Variants in MACROD2 observed in about 807,000 individuals in gnomAD.
The protein encoded by MACROD2 is mono-ADP ribosylhydrolase 2.
In MACROD2, 36 loss-of-function variants were observed where a neutral mutation model predicts 70.4. The ratio of observed to expected loss-of-function variants is 0.51; its 90% CI spans 0.39 to 0.68. The LOEUF (loss-of-function observed/expected upper bound fraction) is 0.68, where lower values mean the gene tolerates loss of function less well. MACROD2 is among the 30% of genes least tolerant of loss of function. MACROD2 has a pLI of 0.00. For missense variants in MACROD2, 496 were observed against 538.4 expected (o/e 0.92, Z 0.78); for synonymous variants, 172 against 178.8 (o/e 0.96, Z 0.30).
chr20:14,154,048 C>T (rs1421520531), intron 3 of MACROD2, among the ~76,000 whole-genome samples: 17 of 152,152 alleles, frequency 1.1e-4, no homozygotes, highest in Non-Finnish European at 1.8e-4. Flanking sequence ...AAAGTGCAGG[C>T]GTTTCCCAAG....
intron 8 of MACROD2, among the ~76,000 whole-genome samples, chr20:15,555,947 A>G (rs906699998): frequency 6.6e-6 from 1 of 152,014 alleles, no homozygotes; most frequent in African/African-American, 2.4e-5. Context: ...AATGAAGAAC[A>G]TGTTTATTTG....
At position 16,050,433 on chromosome 20, in the gene MACROD2, T is replaced by A. The variant is rs1312926191; in HGVS notation, c.*557T>A. 6.6e-6 allele frequency: 1 copy of A among 152,338 alleles called. No homozygotes were observed. The highest frequency in any genetic ancestry group is 2.4e-5 in the African/African-American group (1 of 41,434). 9.4% of individuals were successfully genotyped at this position (152,338 alleles called of 1,614,324 possible). ...GAGGTGAAAATATTTTCTTCAGGGT[T>A]CCCAAGGCACAATTTGTTCCAAGTG... On this transcript the variant is annotated 3_prime_UTR_variant, in exon 18 of 18. Transcript: ENST00000684519.
chr20:14,352,056 T>G (rs777386827), intron 3 of MACROD2, among the ~76,000 whole-genome samples: 1 of 152,232 alleles, frequency 6.6e-6, no homozygotes, highest in Admixed American at 6.5e-5. Flanking sequence ...TGAACCATCC[T>G]TACATCCCAG....
At chr20:14,668,753 T>C (rs1202622818) in intron 4 of MACROD2, among the ~76,000 whole-genome samples, 1 of 152,166 alleles carries the variant, frequency 6.6e-6, no homozygotes, top group Non-Finnish European at 1.5e-5. Context: ...TAAAAAGAGC[T>C]TTTCTTGCTC....
intron 2 of MACROD2, among the ~76,000 whole-genome samples, chr20:14,010,795 C>T (rs1268860730): frequency 6.6e-6 from 1 of 152,050 alleles, no homozygotes. Flanking sequence ...CCCTTCACCC[C>T]CTACCCTTTT....
intron 4 of MACROD2, among the ~76,000 whole-genome samples, chr20:14,629,878 A>G (rs1984401058): frequency 6.6e-6 from 1 of 152,146 alleles, no homozygotes; most frequent in Non-Finnish European, 1.5e-5. Flanking sequence ...ATTTATCTCC[A>G]TTTCTCTGTC....
intron 8 of MACROD2, among the ~76,000 whole-genome samples, chr20:15,610,989 A>ATTTTTTTTT (rs1600665066): frequency 7.5e-5 from 6 of 79,858 alleles, no homozygotes; most frequent in Non-Finnish European, 1.2e-4. Context: ...TTAGCCAAAA[A>ATTTTTTTTT]TCTTTTTTTT....
Position 14,108,503 on chromosome 20 carries a change from G to A in MACROD2, c.271+22775G>A, listed in dbSNP as rs557175353. On this transcript the variant is annotated intron_variant, in intron 3 of 17. Transcript: ENST00000684519. ...AAAAAAAAAAAAAGCTAGACCCAAT[G>A]TCTGTTGCCTACAAGAAGCACATTT... is the stretch of plus-strand genomic sequence containing the variant. Among the ~76,000 whole-genome samples, 13 of 149,934 alleles carry A rather than the reference G, an allele frequency of 8.7e-5. No individual in the cohort carries two copies. The East Asian group carries it at 2.5e-3, about 29-fold the overall frequency.
chr20:15,210,762 C>T (rs2076756671), intron 5 of MACROD2, among the ~76,000 whole-genome samples: 1 of 152,036 alleles, frequency 6.6e-6, no homozygotes. Flanking sequence ...GTAGCACCTC[C>T]ATACTCTCTC....
intron 3 of MACROD2, among the ~76,000 whole-genome samples, chr20:14,398,351 T>C (rs1248734950): frequency 6.6e-6 from 1 of 152,092 alleles, no homozygotes; most frequent in Non-Finnish European, 1.5e-5. Flanking sequence ...GCCATACTAA[T>C]TTACATCCCA....
At chr20:14,158,629 A>G (rs1437768625) in intron 3 of MACROD2, among the ~76,000 whole-genome samples, 1 of 152,074 alleles carries the variant, frequency 6.6e-6, no homozygotes, top group Non-Finnish European at 1.5e-5. Flanking sequence ...TTGTGTATGG[A>G]TATCCAGTTT....
chr20:15,400,376 T>C (rs1274822428), intron 6 of MACROD2, among the ~76,000 whole-genome samples: 1 of 152,146 alleles, frequency 6.6e-6, no homozygotes, highest in African/African-American at 2.4e-5. Context: ...ACTGACCCCA[T>C]GACTTAGCTG....
Position 14,979,982 on chromosome 20 carries a change from G to A in MACROD2, c.419-249958G>A, listed in dbSNP as rs116862106. On this transcript the variant is annotated intron_variant, in intron 5 of 17. Transcript: ENST00000684519. ...TTGAGATGACTTATCTACTATGTTT[G>A]TTATCCCCTGCCACTTGGTAATAAT... Among the ~76,000 whole-genome samples, 83 of 152,118 alleles carry A rather than the reference G, an allele frequency of 5.5e-4. 1 individual carries two copies. The East Asian group carries it at 0.014, about 26-fold the overall frequency.
chr20:14,546,910 A>G (rs1442214601), intron 4 of MACROD2, among the ~76,000 whole-genome samples: 1 of 151,826 alleles, frequency 6.6e-6, no homozygotes, highest in African/African-American at 2.4e-5. Flanking sequence ...GTGCTCACCC[A>G]ATATCTGTAT....
chr20:14,435,699 A>T (rs1184219017), intron 3 of MACROD2, among the ~76,000 whole-genome samples: 1 of 143,298 alleles, frequency 7.0e-6, no homozygotes, highest in Non-Finnish European at 1.6e-5. Context: ...CATTTCCTAA[A>T]GTTATAGAAG....
intron 6 of MACROD2, among the ~76,000 whole-genome samples, chr20:15,235,488 A>C (rs1409703912): frequency 6.6e-6 from 1 of 152,200 alleles, no homozygotes; most frequent in Non-Finnish European, 1.5e-5. Flanking sequence ...AGAGCTTCCA[A>C]TGGGAAAGAT....
intron 3 of MACROD2, among the ~76,000 whole-genome samples, chr20:14,464,629 G>T (rs1485517572): frequency 6.6e-6 from 1 of 151,574 alleles, no homozygotes; most frequent in Non-Finnish European, 1.5e-5. Context: ...GTGATGTTAG[G>T]GTGTCGATTT....
chr20:15,933,382 C>A, intron 11 of MACROD2, 44 bp downstream of exon 11: 1 of 1,532,020 alleles, frequency 6.5e-7, no homozygotes. Context: ...GCCTCATCTG[C>A]AGAGGTGAAC....
At chr20:15,918,754 C>A (rs183921940) in intron 10 of MACROD2, among the ~76,000 whole-genome samples, 2 of 152,200 alleles carry the variant, frequency 1.3e-5, no homozygotes, top group Non-Finnish European at 2.9e-5. Context: ...GTCTGCCTTA[C>A]GGGTAGTGTG....
Sources: gnomAD v4.1 joint callset for allele counts (sites outside exome capture counted in the v4.1 genomes callset) on GRCh38, gnomAD v4.1.1 for gene constraint, MANE v1.5 for transcripts, NCBI Gene and HGNC (gene_info 2026-07-23, HGNC 2026-07-21) for gene names.